TGFBRAP1: variants seen among roughly 807,000 people sequenced by gnomAD.
TGFBRAP1 encodes transforming growth factor-beta receptor-associated protein 1.
A neutral mutation model predicts 83.2 loss-of-function variants in TGFBRAP1; 20 were observed. The ratio of observed to expected loss-of-function variants is 0.24; its 90% CI spans 0.17 to 0.35. The LOEUF (loss-of-function observed/expected upper bound fraction) is 0.35, where lower values mean the gene tolerates loss of function less well. TGFBRAP1 is among the 10% of genes least tolerant of loss of function. TGFBRAP1 has a pLI of 1.00. For missense variants in TGFBRAP1, 950 were observed against 1,099.4 expected, an observed-to-expected ratio of 0.86 and a Z score of 1.92; for synonymous variants, 415 against 459.8, an observed-to-expected ratio of 0.90 and a Z score of 1.25.
the TGFBRAP1 span, among the ~76,000 whole-genome samples, chr2:105,251,618 C>T: frequency 1.3e-5 from 2 of 152,092 alleles, no homozygotes; most frequent in East Asian, 1.9e-4. Context: ...CCCCTCTGCC[C>T]GGCCGCCACC....
At chr2:105,270,355 T>C (rs1349099814) in intron 10 of TGFBRAP1, among the ~76,000 whole-genome samples, 2 of 152,312 alleles carry the variant, frequency 1.3e-5, no homozygotes, top group South Asian at 2.1e-4. Flanking sequence ...CCACCCTTAG[T>C]GGGCTGTGTC....
chr2:105,308,819 T>A (rs894408203), intron 1 of TGFBRAP1, among the ~76,000 whole-genome samples: 8 of 152,080 alleles, frequency 5.3e-5, no homozygotes, highest in African/African-American at 1.9e-4. Flanking sequence ...TCACTGATCT[T>A]CCCTGAGTTT....
At chr2:105,306,069 T>G (rs1225144670) in intron 2 of TGFBRAP1, among the ~76,000 whole-genome samples, 1 of 102,064 alleles carries the variant, frequency 9.8e-6, no homozygotes, top group African/African-American at 5.5e-5. Flanking sequence ...TTGTTTTTTG[T>G]TTTTTTTTTT....
At chr2:105,292,046 A>G (rs1205287612) in intron 4 of TGFBRAP1, among the ~76,000 whole-genome samples, 2 of 152,188 alleles carry the variant, frequency 1.3e-5, no homozygotes, top group African/African-American at 4.8e-5. Context: ...AAAGGCTGCA[A>G]TGAACTGTCA....
At chr2:105,320,020 A>C (rs920109422) in intron 1 of TGFBRAP1, among the ~76,000 whole-genome samples, 9 of 152,152 alleles carry the variant, frequency 5.9e-5, no homozygotes, top group African/African-American at 2.2e-4. Flanking sequence ...ATGCTATGAC[A>C]AACTGGCATT....
chr2:105,322,954 C>T (rs1679111276), intron 1 of TGFBRAP1, among the ~76,000 whole-genome samples: 1 of 152,180 alleles, frequency 6.6e-6, no homozygotes, highest in African/African-American at 2.4e-5. Flanking sequence ...CAGCCGTTCA[C>T]AGCTCCCAAT....
At chr2:105,285,371 A>G (rs1185359366) in intron 4 of TGFBRAP1, among the ~76,000 whole-genome samples, 1 of 152,184 alleles carries the variant, frequency 6.6e-6, no homozygotes, top group Non-Finnish European at 1.5e-5. Context: ...ATCCATTTGT[A>G]TGAAACTCCA....
Position 105,267,190 on chromosome 2 carries a change from TGGTCATTCCATGTACATTCATAG to T in TGFBRAP1, c.*170_*192del. On this transcript the variant is annotated 3_prime_UTR_variant, in exon 12 of 12. Coordinates refer to ENST00000393359, the MANE Select transcript of TGFBRAP1 (RefSeq NM_004257.6). ...GTTTTCCATGTACATTCATAGAGCCTGGTCATTCCATGTACATTCATAGAGCCTGGTCAGCAGCGAGGAGTCCT... is the reference window on the plus strand; with the variant it reads ...GTTTTCCATGTACATTCATAGAGCCTAGCCTGGTCAGCAGCGAGGAGTCCT... The T allele has an allele frequency of 2.7e-5, 1 of 37,100 alleles. No homozygotes were observed. The highest frequency in any genetic ancestry group is 4.2e-4 in the South Asian group (1 of 2,394). 2.3% of individuals were successfully genotyped at this position (37,100 alleles called of 1,614,324 possible). A position where few individuals can be genotyped will look rare whatever the true frequency, so the allele number is the denominator to read the frequency against.
At chr2:105,273,103 C>A (rs1048316674) in intron 9 of TGFBRAP1, 89 bp from the exon 10 acceptor site, 5 of 1,505,762 alleles carry the variant, frequency 3.3e-6, no homozygotes, top group Middle Eastern at 4.4e-4. Flanking sequence ...GCTTGGAGAC[C>A]GCGGCTGCAC....
At chr2:105,252,805 T>G in the TGFBRAP1 span, among the ~76,000 whole-genome samples, 4 of 138,958 alleles carry the variant, frequency 2.9e-5, no homozygotes, top group Non-Finnish European at 4.5e-5. Flanking sequence ...CAGGCTGGAA[T>G]GCAGTGGCGT....
chr2:105,281,072 G>A (rs1029563047), intron 5 of TGFBRAP1, among the ~76,000 whole-genome samples: 11 of 152,214 alleles, frequency 7.2e-5, no homozygotes, highest in African/African-American at 2.4e-4. Flanking sequence ...CGCCATCAGA[G>A]TCTGCGCAAA....
the TGFBRAP1 span, among the ~76,000 whole-genome samples, chr2:105,252,183 T>G: frequency 2.0e-5 from 3 of 152,220 alleles, no homozygotes; most frequent in African/African-American, 7.2e-5. Flanking sequence ...CTGCCGTATT[T>G]CCTCCTTTTG....
chr2:105,303,970 G>T (rs1202683507), intron 2 of TGFBRAP1, among the ~76,000 whole-genome samples: 1 of 152,068 alleles, frequency 6.6e-6, no homozygotes, highest in African/African-American at 2.4e-5. Flanking sequence ...TTAAAACAAA[G>T]TAACAGATCA....
Position 105,315,323 on chromosome 2 carries a change from G to A in TGFBRAP1, c.-17-7005C>T, listed in dbSNP as rs182254019. Among the ~76,000 whole-genome samples, 155 of 152,214 alleles carry A rather than the reference G, an allele frequency of 1.0e-3. 1 individual carries two copies. The highest frequency in any genetic ancestry group is 3.5e-3 in the African/African-American group (146 of 41,536). On this transcript the variant is annotated intron_variant, in intron 1 of 11. Transcript: ENST00000393359. ...AATGGAAAGCACAGAACATAGCATA[G>A]TCAAAACAGTCTTGAAAATGAAGAA... is the stretch of plus-strand genomic sequence containing the variant.
rs1380359774 is a variant in TGFBRAP1, at chr2:105,267,200, A to C, written c.*183T>G. The C allele has an allele frequency of 4.3e-6, 1 of 233,652 alleles. No homozygotes were observed. The highest frequency in any genetic ancestry group is 8.4e-5 in the Admixed American group (1 of 11,920). 14.5% of individuals were successfully genotyped at this position (233,652 alleles called of 1,614,324 possible). Reference sequence around the variant, plus strand: ...TACATTCATAGAGCCTGGTCATTCCATGTACATTCATAGAGCCTGGTCAGC... The same window carrying C: ...TACATTCATAGAGCCTGGTCATTCCCTGTACATTCATAGAGCCTGGTCAGC... On this transcript the variant is annotated 3_prime_UTR_variant, in exon 12 of 12. Transcript: ENST00000393359.
intron 1 of TGFBRAP1, among the ~76,000 whole-genome samples, chr2:105,312,883 A>T (rs1469537628): frequency 1.3e-5 from 2 of 152,196 alleles, no homozygotes; most frequent in African/African-American, 2.4e-5. Context: ...AGGCCGAGGC[A>T]GGTGGACCAC....
intron 4 of TGFBRAP1, among the ~76,000 whole-genome samples, chr2:105,293,702 A>G (rs1677989455): frequency 2.0e-5 from 3 of 152,084 alleles, no homozygotes; most frequent in Non-Finnish European, 4.4e-5. Context: ...TTTTTGCATC[A>G]ATATTGTTTT....
chr2:105,262,654 C>T (rs991721138), downstream of TGFBRAP1, among the ~76,000 whole-genome samples: 6 of 152,320 alleles, frequency 3.9e-5, no homozygotes, highest in East Asian at 3.9e-4. Flanking sequence ...CCCACGCTCC[C>T]GACACCTGAC....
chr2:105,263,122 GC>G (rs1487879464), downstream of TGFBRAP1, among the ~76,000 whole-genome samples: 3 of 152,142 alleles, frequency 2.0e-5, no homozygotes, highest in African/African-American at 7.2e-5. Flanking sequence ...CAACCACTTA[GC>G]CTAATCTGCC....
Sources: allele counts gnomAD v4.1 joint callset (sites outside exome capture counted in the v4.1 genomes callset), GRCh38; gene constraint gnomAD v4.1.1; transcripts MANE v1.5; gene names NCBI Gene and HGNC (gene_info 2026-07-23, HGNC 2026-07-21).